Variants in MSRA observed in about 807,000 individuals in gnomAD.
The protein encoded by MSRA is mitochondrial peptide methionine sulfoxide reductase.
Under a neutral mutation model 31.3 loss-of-function variants are expected in MSRA, and 54 were observed. The observed-to-expected ratio is 1.73, with a 90% confidence interval of 1.39 to 2.17. MSRA has a LOEUF of 2.17. MSRA is among the 30% of genes most tolerant of loss of function. The probability of loss-of-function intolerance (pLI) is 0.00; values close to 1 mark genes in which losing one functional copy is unlikely to be tolerated. For missense variants in MSRA, 507 were observed against 300.9 expected (o/e 1.69, Z -5.07); for synonymous variants, 169 against 116.5 (o/e 1.45, Z -2.90).
At position 10,379,482 on chromosome 8, in the gene MSRA, C is replaced by T. The variant is rs1051574181; in HGVS notation, c.544-48666C>T. Among the ~76,000 whole-genome samples the T allele has an allele frequency of 3.3e-5, 5 of 152,150 alleles. No individual in the cohort carries two copies. In the East Asian group the frequency reaches 5.8e-4, roughly 18 times the overall value. On this transcript the variant is annotated intron_variant, in intron 5 of 5. Transcript: ENST00000317173. ...GAGGCTGGGCTGGAGCCTGTGGCCT[C>T]GCCCCATGCCAGGCCCTCCGTCTGG...
intron 3 of MSRA, among the ~76,000 whole-genome samples, chr8:10,275,050 T>G (rs930141502): frequency 2.7e-5 from 4 of 149,722 alleles, no homozygotes; most frequent in Non-Finnish European, 5.9e-5. Flanking sequence ...GGACATGACG[T>G]GCAAATGCAT....
intron 1 of MSRA, 106 bp downstream of exon 1, chr8:10,054,764 G>A (rs1802220436): frequency 1.4e-5 from 18 of 1,259,690 alleles, no homozygotes; most frequent in Non-Finnish European, 1.8e-5. Flanking sequence ...GGCTGGCCTC[G>A]GGCGGGTCGC....
intron 3 of MSRA, among the ~76,000 whole-genome samples, chr8:10,255,437 T>G (rs1432098634): frequency 6.6e-6 from 1 of 152,208 alleles, no homozygotes; most frequent in Non-Finnish European, 1.5e-5. Context: ...AAATTCCGTT[T>G]TCAATTTCAG....
At chr8:10,150,503 A>G (rs902459770) in intron 1 of MSRA, among the ~76,000 whole-genome samples, 35 of 152,230 alleles carry the variant, frequency 2.3e-4, no homozygotes, top group Non-Finnish European at 2.1e-4. Context: ...AAAAATTTCA[A>G]AATGCAACCA....
chr8:10,134,065 C>T (rs1196941538), intron 1 of MSRA, among the ~76,000 whole-genome samples: 2 of 152,154 alleles, frequency 1.3e-5, no homozygotes, highest in Non-Finnish European at 2.9e-5. Context: ...CTCCTGACCT[C>T]AGGCGATCTG....
intron 2 of MSRA, among the ~76,000 whole-genome samples, chr8:10,241,946 GGAAAA>G (rs1212867263): frequency 1.3e-5 from 2 of 152,162 alleles, no homozygotes; most frequent in Non-Finnish European, 2.9e-5. Context: ...TAAGGTCAAA[GGAAAA>G]GAATGGAGAC....
At chr8:10,349,893 G>A (rs1804017432) in intron 5 of MSRA, among the ~76,000 whole-genome samples, 1 of 152,334 alleles carries the variant, frequency 6.6e-6, no homozygotes, top group East Asian at 1.9e-4. Flanking sequence ...GGCATTGAGG[G>A]GCCTTCCCCT....
chr8:10,240,126 A>C (rs1475472092), intron 2 of MSRA, among the ~76,000 whole-genome samples: 1 of 152,202 alleles, frequency 6.6e-6, no homozygotes, highest in Non-Finnish European at 1.5e-5. Context: ...AAAGTCAAAC[A>C]CGTGCCAAGA....
At position 10,255,797 on chromosome 8, in the gene MSRA, G is replaced by T. The variant is rs1258479650; in HGVS notation, c.331+10574G>T. Among the ~76,000 whole-genome samples the T allele has an allele frequency of 5.4e-5, 8 of 149,100 alleles. No homozygotes were observed. The East Asian group carries it at 5.9e-4, about 11-fold the overall frequency. On this transcript the variant is annotated intron_variant, in intron 3 of 5. Coordinates refer to ENST00000317173, the MANE Select transcript of MSRA (RefSeq NM_012331.5). The stretch of plus-strand genomic sequence containing the variant: ...GTGTGGGGGCATTGGGAGGCTGCTG[G>T]TTTTTTTTTTAAAAAACAAGTTTTA...
At chr8:10,087,735 G>A (rs1316998678) in intron 1 of MSRA, among the ~76,000 whole-genome samples, 1 of 152,120 alleles carries the variant, frequency 6.6e-6, no homozygotes, top group Non-Finnish European at 1.5e-5. Flanking sequence ...ATACCCTCAA[G>A]GTTTCTTGTT....
chr8:10,206,388 G>T (rs1416123817), intron 1 of MSRA, among the ~76,000 whole-genome samples: 1 of 152,086 alleles, frequency 6.6e-6, no homozygotes, highest in Non-Finnish European at 1.5e-5. Flanking sequence ...CCCTGGGCTG[G>T]GTTCTCCCTT....
At chr8:10,361,238 G>A (rs1804827900) in intron 5 of MSRA, among the ~76,000 whole-genome samples, 1 of 152,192 alleles carries the variant, frequency 6.6e-6, no homozygotes, top group South Asian at 2.1e-4. Flanking sequence ...GAAATGCAGT[G>A]TGTTGGGGAA....
intron 5 of MSRA, among the ~76,000 whole-genome samples, chr8:10,362,801 C>T (rs117548238): frequency 0.018 from 2,772 of 152,160 alleles, 40 homozygotes; most frequent in East Asian, 0.044. Flanking sequence ...TCCTCTTTGT[C>T]GGTTTTCAAA....
At chr8:10,284,451 C>G (rs1799826294) in intron 3 of MSRA, among the ~76,000 whole-genome samples, 1 of 152,162 alleles carries the variant, frequency 6.6e-6, no homozygotes, top group Admixed American at 6.5e-5. Context: ...GCCTTGGCCT[C>G]CCAAAGTGCT....
chr8:10,061,678 A>C (rs1802740744), intron 1 of MSRA, among the ~76,000 whole-genome samples: 2 of 152,224 alleles, frequency 1.3e-5, no homozygotes, highest in South Asian at 4.2e-4. Context: ...GAGAACAAAG[A>C]CCAGAAATGT....
At chr8:10,084,140 G>A (rs1017453740) in intron 1 of MSRA, among the ~76,000 whole-genome samples, 5 of 152,242 alleles carry the variant, frequency 3.3e-5, no homozygotes, top group African/African-American at 1.2e-4. Flanking sequence ...CCACATGCTG[G>A]TTATGGAGTA....
chr8:10,188,405 G>C (rs1038011676), intron 1 of MSRA, among the ~76,000 whole-genome samples: 2 of 152,154 alleles, frequency 1.3e-5, no homozygotes, highest in Non-Finnish European at 2.9e-5. Flanking sequence ...AGACTGTTTC[G>C]TTAGGATGTC....
chr8:10,107,643 C>G (rs973148792), intron 1 of MSRA, among the ~76,000 whole-genome samples: 1 of 152,138 alleles, frequency 6.6e-6, no homozygotes, highest in Non-Finnish European at 1.5e-5. Context: ...CACAAAAACC[C>G]AACATGCTGT....
At chr8:10,125,424 G>A (rs1801429178) in intron 1 of MSRA, among the ~76,000 whole-genome samples, 1 of 152,154 alleles carries the variant, frequency 6.6e-6, no homozygotes, top group Admixed American at 6.5e-5. Context: ...AGAAGAAGAG[G>A]GGAGAGAAGG....
Sources: allele counts gnomAD v4.1 joint callset (sites outside exome capture counted in the v4.1 genomes callset), GRCh38; gene constraint gnomAD v4.1.1; transcripts MANE v1.5; gene names NCBI Gene and HGNC (gene_info 2026-07-23, HGNC 2026-07-21).